COL20A1: variants seen among roughly 807,000 people sequenced by gnomAD.
COL20A1 encodes the protein collagen type XX alpha 1 chain, also known as collagen alpha-1(XX) chain.
COL20A1 carries 164 observed loss-of-function variants against 152.9 expected under a neutral mutation model. That is an observed-to-expected ratio of 1.07 (90% CI 0.94 to 1.22). The LOEUF (loss-of-function observed/expected upper bound fraction) is 1.22. Ranked by LOEUF, COL20A1 falls within the 50% of genes most tolerant of loss-of-function variation. COL20A1 has a pLI of 0.00. For missense variants in COL20A1, 1,873 were observed against 1,744.8 expected, an observed-to-expected ratio of 1.07 and a Z score of -1.31; for synonymous variants, 864 against 756.0, an observed-to-expected ratio of 1.14 and a Z score of -2.34.
At position 63,305,169 on chromosome 20, in the gene COL20A1, G is replaced by A. The variant is rs570716112; in HGVS notation, c.194-248G>A. Reference sequence around the variant, plus strand: ...TTGATGGCTTCTCACCTCACCATGCGGCGGATTCCTCTAGGGGGGTTTAGT... The same window carrying A: ...TTGATGGCTTCTCACCTCACCATGCAGCGGATTCCTCTAGGGGGGTTTAGT... On this transcript the variant is annotated intron_variant, in intron 3 of 35. Coordinates refer to ENST00000358894, the MANE Select transcript of COL20A1 (RefSeq NM_020882.4). This position sits in a 1 kb window ranked among gnomAD's most constrained non-coding sequence, Gnocchi z 4.9. Among the ~76,000 whole-genome samples, 58 of 152,098 alleles carry A rather than the reference G, an allele frequency of 3.8e-4. No individual in the cohort carries two copies. The highest frequency in any genetic ancestry group is 1.4e-3 in the African/African-American group (56 of 41,476).
In COL20A1 at chr20:63,298,002, C is replaced by T. The variant is rs1346510061; in HGVS notation, c.175C>T (p.Gln59Ter). 3.1e-6 allele frequency: 5 copies of T among 1,611,094 alleles called. No homozygotes were observed. The highest frequency in any genetic ancestry group is 4.5e-5 in the East Asian group (2 of 44,868). ...SEGSGLGYLV[Q>*]VKPMAGDSEQ... ...GGGGAGCGGCCTCGGCTACCTGGTG[C>T]AGGTGAAGCCCATGGCAGGTGAGGA... The change falls in exon 3 of 36, where the codon CAG becomes TAG. Residue 59 changes from glutamine to a stop codon, truncating the protein, a stop_gained. Coordinates refer to ENST00000358894, the MANE Select transcript of COL20A1 (RefSeq NM_020882.4). LOFTEE classifies it high-confidence loss of function.
intron 35 of COL20A1, 57 bp from the exon 36 acceptor site, chr20:63,330,663 A>T: frequency 6.6e-6 from 1 of 152,250 alleles, no homozygotes; most frequent in East Asian, 1.9e-4. Context: ...GCTGGCCCTG[A>T]GCCGGTGTCC....
At chr20:63,325,366 T>C in intron 27 of COL20A1, 75 bp from the exon 28 acceptor site, 1 of 1,113,006 alleles carries the variant, frequency 9.0e-7, no homozygotes, top group Non-Finnish European at 1.4e-6. Context: ...GGGCCTGTGG[T>C]AGGTGTCACT....
Position 63,332,393 on chromosome 20 carries a change from T to G in COL20A1, c.*1677T>G, listed in dbSNP as rs1601450430. On this transcript the variant is annotated 3_prime_UTR_variant, in exon 36 of 36. Transcript: ENST00000358894. ...GCAAAACAGCTTGGTTGCTCTCACT[T>G]GGTTTCTCCAGGGCGGGGAATTACA... 2 of 151,096 alleles carry G rather than the reference T, an allele frequency of 1.3e-5. No homozygotes were observed. The highest frequency in any genetic ancestry group is 1.3e-4 in the Admixed American group (2 of 15,220). The allele number at this position is 151,096 out of a possible 1,614,324, so 9.4% of individuals were successfully genotyped here.
chr20:63,297,037 C>T (rs1040105551), intron 2 of COL20A1, among the ~76,000 whole-genome samples: 8 of 152,220 alleles, frequency 5.3e-5, no homozygotes, highest in African/African-American at 1.4e-4. Context: ...GGCCTGGACA[C>T]CCATCCCCCA....
chr20:63,320,117 ATGGGC>A lies in COL20A1; in HGVS notation c.2996_3000del (p.Met999LysfsTer37). ...GGTGGCTGAGCGGCCCCTTGGGGAG[ATGGGC>A]AGCCCACCCGCTGCGGGCTTCGTCA... is the stretch of plus-strand genomic sequence containing the variant. On this transcript the variant is annotated frameshift_variant, in exon 24 of 36. Coordinates refer to ENST00000358894, the MANE Select transcript of COL20A1 (RefSeq NM_020882.4). LOFTEE classifies it high-confidence loss of function. 1 of 1,550,842 alleles carries A rather than the reference ATGGGC, an allele frequency of 6.4e-7. No individual in the cohort carries two copies. The highest frequency in any genetic ancestry group is 8.7e-7 in the Non-Finnish European group (1 of 1,147,840).
In COL20A1 at chr20:63,306,013, C is replaced by T. The variant is rs1295835939; in HGVS notation, c.470C>T (p.Thr157Ile). 7.4e-6 allele frequency: 12 copies of T among 1,612,354 alleles called. No individual in the cohort carries two copies. The highest frequency in any genetic ancestry group is 3.3e-5 in the Admixed American group (2 of 59,874). ...GCTTCTGAGCCCCAAGTTGCCTTCACACCAAGCCAGGATCCGCGCACTCCT... is the reference window on the plus strand; with the variant it reads ...GCTTCTGAGCCCCAAGTTGCCTTCATACCAAGCCAGGATCCGCGCACTCCT... ...EQASEPQVAF[T>I]PSQDPRTPAG... The change falls in exon 5 of 36, where the codon ACA becomes ATA. Residue 157 changes from threonine (T) to isoleucine (I), a missense_variant. Physicochemically the swap from Thr to Ile is moderately conservative, Grantham distance 89 (BLOSUM62 -1). Coordinates refer to ENST00000358894, the MANE Select transcript of COL20A1 (RefSeq NM_020882.4). This position sits in a 1 kb window ranked among gnomAD's most constrained non-coding sequence, Gnocchi z 6.9.
chr20:63,312,130 G>A, intron 14 of COL20A1, 75 bp downstream of exon 14: 2 of 1,451,150 alleles, frequency 1.4e-6, no homozygotes, highest in South Asian at 2.8e-5. Flanking sequence ...ATGGGGTGGA[G>A]CCAACCATCA....
chr20:63,314,215 A>T lies in COL20A1; in HGVS notation c.2488+14A>T. 1 of 1,551,916 alleles carries T rather than the reference A, an allele frequency of 6.4e-7. No individual in the cohort carries two copies. The highest frequency in any genetic ancestry group is 1.2e-5 in the South Asian group (1 of 84,208). Reference sequence around the variant, plus strand: ...CGGGCCAGACAGGTGAGTGGGCACCAAGACCCCAGACCCAGGTAGACCCAG... The same window carrying T: ...CGGGCCAGACAGGTGAGTGGGCACCTAGACCCCAGACCCAGGTAGACCCAG... On this transcript the variant is annotated intron_variant, in intron 19 of 35. Coordinates refer to ENST00000358894, the MANE Select transcript of COL20A1 (RefSeq NM_020882.4).
chr20:63,297,284 G>T (rs959791500), intron 2 of COL20A1, among the ~76,000 whole-genome samples: 4 of 149,516 alleles, frequency 2.7e-5, no homozygotes, highest in Admixed American at 2.7e-4. Context: ...TTAGCTCAGG[G>T]GACCCAGCCT....
At chr20:63,316,327 T>A (rs1352541867) in intron 20 of COL20A1, among the ~76,000 whole-genome samples, 2 of 151,770 alleles carry the variant, frequency 1.3e-5, no homozygotes, top group African/African-American at 4.8e-5. Flanking sequence ...TGTGTTGGAT[T>A]CCCCTGGGGA....
rs2067928960 is a variant in COL20A1, at chr20:63,306,597, C to T, written c.496+558C>T. Among the ~76,000 whole-genome samples, 1 of 150,676 alleles carries T rather than the reference C, an allele frequency of 6.6e-6. No individual in the cohort carries two copies. Among genetic ancestry groups the T allele is most frequent in the African/African-American group, 2.5e-5 (1 of 40,062 alleles). Reference sequence around the variant, plus strand: ...GAGGGAGGGCCCTGCCCAGCCGGCCCCAGGCGTGGAGAGGTAGAGCCACAC... The same window carrying T: ...GAGGGAGGGCCCTGCCCAGCCGGCCTCAGGCGTGGAGAGGTAGAGCCACAC... On this transcript the variant is annotated intron_variant, in intron 5 of 35. Coordinates refer to ENST00000358894, the MANE Select transcript of COL20A1 (RefSeq NM_020882.4). The surrounding 1 kb of genome is among the most constrained non-coding windows in gnomAD (Gnocchi z 6.9).
At chr20:63,325,982 C>T (rs1425539554) in intron 29 of COL20A1, 114 bp from the exon 30 acceptor site, 7 of 977,630 alleles carry the variant, frequency 7.2e-6, no homozygotes, top group African/African-American at 1.6e-5. Context: ...TCAGCTGCCT[C>T]ACCTTTGCTG....
At chr20:63,299,686 G>A (rs2067841819) in intron 3 of COL20A1, among the ~76,000 whole-genome samples, 1 of 152,034 alleles carries the variant, frequency 6.6e-6, no homozygotes, top group African/African-American at 2.4e-5. Context: ...CCTACGTAAG[G>A]CTGAGTTTTT....
rs2068033393 is a variant in COL20A1 at position 63,313,045 on chromosome 20, G to T, written c.2077-72G>T. 9 of 1,553,444 alleles carry T rather than the reference G, an allele frequency of 5.8e-6. No homozygotes were observed. The highest frequency in any genetic ancestry group is 7.8e-6 in the Non-Finnish European group (9 of 1,146,836). ...TGCGCCCACCCTGTCTCCCAGGGAT[G>T]CCTCACTGCCCGGCCCCCCAACCTG... On this transcript the variant is annotated intron_variant, in intron 16 of 35. Coordinates refer to ENST00000358894, the MANE Select transcript of COL20A1 (RefSeq NM_020882.4). This position sits in a 1 kb window ranked among gnomAD's most constrained non-coding sequence, Gnocchi z 5.9.
At chr20:63,318,435 G>A (rs2068112944) in intron 21 of COL20A1, among the ~76,000 whole-genome samples, 3 of 152,162 alleles carry the variant, frequency 2.0e-5, no homozygotes, top group Non-Finnish European at 2.9e-5. Context: ...TCTATCAGAG[G>A]CCCGAGACCC....
Position 63,331,155 on chromosome 20 carries a change from T to C in COL20A1, c.*439T>C, listed in dbSNP as rs548611090. On this transcript the variant is annotated 3_prime_UTR_variant, in exon 36 of 36. Transcript: ENST00000358894. ...CCTTTCTCTGGGCCTCATCTAAGCC[T>C]GGCCAGGGCCCTGTGGGCCCGCCTC... 2 of 152,420 alleles carry C rather than the reference T, an allele frequency of 1.3e-5. No individual in the cohort carries two copies. The highest frequency in any genetic ancestry group is 4.1e-4 in the South Asian group (2 of 4,824). The allele number at this position is 152,420 out of a possible 1,614,324, so 9.4% of individuals were successfully genotyped here. A position where few individuals can be genotyped will look rare whatever the true frequency, so the allele number is the denominator to read the frequency against.
intron 31 of COL20A1, 190 bp from the exon 32 acceptor site, chr20:63,327,762 C>T (rs1049954579): frequency 7.8e-5 from 48 of 616,652 alleles, no homozygotes; most frequent in Non-Finnish European, 1.3e-4. Context: ...GAGCCTCTCA[C>T]ATGCCTGCTC....
At position 63,307,474 on chromosome 20, in the gene COL20A1, G is replaced by A. The variant is rs572142691; in HGVS notation, c.497-16G>A. 5.7e-5 allele frequency: 91 copies of A among 1,606,742 alleles called. No individual in the cohort carries two copies. The highest frequency in any genetic ancestry group is 4.3e-4 in the Admixed American group (26 of 59,828). On this transcript the variant is annotated splice_polypyrimidine_tract_variant and intron_variant, in intron 5 of 35. Coordinates refer to ENST00000358894, the MANE Select transcript of COL20A1 (RefSeq NM_020882.4). The stretch of plus-strand genomic sequence containing the variant: ...ATGGGCCTCACCTAGCACCTGACCC[G>A]CTCCCACCGCCCCAGCCGGCCCCCA...
Sources: gnomAD v4.1 joint callset for allele counts (sites outside exome capture counted in the v4.1 genomes callset) on GRCh38, gnomAD v4.1.1 for gene constraint, Gnocchi (gnomAD v3.1) non-coding constraint, MANE v1.5 for transcripts, NCBI Gene and HGNC (gene_info 2026-07-23, HGNC 2026-07-21) for gene names.